TRABD2B: variants seen among roughly 807,000 people sequenced by gnomAD.
TRABD2B encodes the protein TraB domain containing 2B, also known as metalloprotease TIKI2.
A neutral mutation model predicts 40.1 loss-of-function variants in TRABD2B; 14 were observed. The observed-to-expected ratio is 0.35, with a 90% CI of 0.23 to 0.55. TRABD2B has a LOEUF of 0.55. Among genes scored for constraint, TRABD2B ranks in the 20% least tolerant of loss-of-function variants. The pLI is 0.90. For synonymous variants in TRABD2B, 263 were observed against 277.0 expected (o/e 0.95, Z 0.50); for missense variants, 541 against 648.6 (o/e 0.83, Z 1.80).
chr1:47,779,940 C>T (rs1207349339), intron 4 of TRABD2B, among the ~76,000 whole-genome samples: 1 of 152,174 alleles, frequency 6.6e-6, no homozygotes, highest in Non-Finnish European at 1.5e-5. Flanking sequence ...GCAGAGGAAG[C>T]CAGCATAGAA....
At chr1:47,855,940 A>G (rs996941628) in intron 2 of TRABD2B, among the ~76,000 whole-genome samples, 1 of 152,206 alleles carries the variant, frequency 6.6e-6, no homozygotes, top group Non-Finnish European at 1.5e-5. Flanking sequence ...AGTTGGTGAT[A>G]TTATGTTATA....
chr1:47,823,142 G>C (rs769456064), intron 2 of TRABD2B, among the ~76,000 whole-genome samples: 1 of 152,240 alleles, frequency 6.6e-6, no homozygotes, highest in Non-Finnish European at 1.5e-5. Flanking sequence ...CCCCTGGGAC[G>C]CCACAGGTTC....
In TRABD2B at chr1:47,761,293, A is replaced by C. The variant is rs1397006583; in HGVS notation, c.*4609T>G. 15 of 152,296 alleles carry C rather than the reference A, an allele frequency of 9.8e-5. No homozygotes were observed. 9.4% of individuals were successfully genotyped at this position (152,296 alleles called of 1,614,324 possible). ...TAGCCGATGCTCCCTGGAAAGAGCC[A>C]AGTAGGGGGTCAATCAGTTCTCGTG... is the stretch of plus-strand genomic sequence containing the variant. On this transcript the variant is annotated 3_prime_UTR_variant, in exon 7 of 7. Coordinates refer to ENST00000606738, the MANE Select transcript of TRABD2B (RefSeq NM_001194986.2).
intron 2 of TRABD2B, among the ~76,000 whole-genome samples, chr1:47,872,793 G>C (rs368377639): frequency 3.9e-5 from 6 of 152,144 alleles, no homozygotes; most frequent in Admixed American, 2.0e-4. Flanking sequence ...TCCAGGGAGT[G>C]GGGGGAAGGC....
chr1:47,938,343 C>G (rs1019182748), intron 2 of TRABD2B, among the ~76,000 whole-genome samples: 1 of 152,158 alleles, frequency 6.6e-6, no homozygotes, highest in Non-Finnish European at 1.5e-5. Context: ...TATTTTAGTC[C>G]CAGCTCTATC....
chr1:47,972,283 T>A (rs568239166), intron 2 of TRABD2B, among the ~76,000 whole-genome samples: 1 of 152,304 alleles, frequency 6.6e-6, no homozygotes, highest in South Asian at 2.1e-4. Flanking sequence ...TGAGAGTCCC[T>A]CCAGGCAGCA....
At chr1:47,912,738 G>A (rs72898140) in intron 2 of TRABD2B, among the ~76,000 whole-genome samples, 3,371 of 152,210 alleles carry the variant, frequency 0.022, 61 homozygotes, top group South Asian at 0.059. Flanking sequence ...GGGGTCCTCC[G>A]GGGCGGCCCT....
At chr1:47,988,430 A>G (rs1223516762) in intron 2 of TRABD2B, among the ~76,000 whole-genome samples, 1 of 152,158 alleles carries the variant, frequency 6.6e-6, no homozygotes, top group Non-Finnish European at 1.5e-5. Flanking sequence ...CACTGGCACA[A>G]CACAGTGAGG....
intron 2 of TRABD2B, among the ~76,000 whole-genome samples, chr1:47,989,056 G>A (rs1034758732): frequency 1.3e-5 from 2 of 152,156 alleles, no homozygotes; most frequent in African/African-American, 4.8e-5. Context: ...GAGGAAGCTT[G>A]TTCACCCTTT....
intron 2 of TRABD2B, among the ~76,000 whole-genome samples, chr1:47,837,563 C>A (rs1231448267): frequency 1.3e-5 from 2 of 152,126 alleles, no homozygotes; most frequent in Non-Finnish European, 2.9e-5. Context: ...GTGACTGTAT[C>A]TGAGTTCAGT....
At chr1:47,793,539 T>C (rs1266723668) in intron 4 of TRABD2B, among the ~76,000 whole-genome samples, 1 of 152,140 alleles carries the variant, frequency 6.6e-6, no homozygotes, top group Admixed American at 6.5e-5. Context: ...GAGGGCGGCA[T>C]GAGGGTGACA....
At chr1:47,983,923 A>T (rs1260624313) in intron 2 of TRABD2B, among the ~76,000 whole-genome samples, 1 of 152,130 alleles carries the variant, frequency 6.6e-6, no homozygotes, top group East Asian at 1.9e-4. Flanking sequence ...CTCTTTTCAG[A>T]CTCAAGGCCA....
chr1:47,769,643 C>T (rs1442075532), intron 6 of TRABD2B, among the ~76,000 whole-genome samples: 1 of 152,216 alleles, frequency 6.6e-6, no homozygotes, highest in Non-Finnish European at 1.5e-5. Flanking sequence ...GAAACTGTCT[C>T]ATGGCAAAGT....
At chr1:47,907,464 T>C (rs957223926) in intron 2 of TRABD2B, among the ~76,000 whole-genome samples, 1 of 152,222 alleles carries the variant, frequency 6.6e-6, no homozygotes, top group Non-Finnish European at 1.5e-5. Flanking sequence ...GTACCTTTCA[T>C]GTTTCCTGTG....
chr1:47,884,126 G>A (rs367612268), intron 2 of TRABD2B, among the ~76,000 whole-genome samples: 1 of 152,210 alleles, frequency 6.6e-6, no homozygotes, highest in African/African-American at 2.4e-5. Context: ...GTCATTAGGT[G>A]CCCAGTCCAT....
chr1:47,781,464 C>T (rs1370219175), intron 4 of TRABD2B, among the ~76,000 whole-genome samples: 1 of 152,228 alleles, frequency 6.6e-6, no homozygotes, highest in Non-Finnish European at 1.5e-5. Context: ...GCAGGCCTCA[C>T]CGGATGCCCA....
In TRABD2B at chr1:47,991,914, AATGACCTC is replaced by A. The variant is rs557626955; in HGVS notation, c.666+2112_666+2119del. 5.5e-3 allele frequency among the ~76,000 whole-genome samples: 833 copies of A among 152,242 alleles called. 5 individuals carry two copies. Among genetic ancestry groups the A allele is most frequent in the Middle Eastern group, 0.014 (4 of 294 alleles). On this transcript the variant is annotated intron_variant, in intron 2 of 6. Transcript: ENST00000606738. The stretch of plus-strand genomic sequence containing the variant: ...TCTGATTTTGAATTTTTGGATCCCT[AATGACCTC>A]ATCTGCCTAGGCTCCAGAATCCCAC...
intron 2 of TRABD2B, among the ~76,000 whole-genome samples, chr1:47,934,791 G>A (rs1645084854): frequency 6.6e-6 from 1 of 152,164 alleles, no homozygotes; most frequent in African/African-American, 2.4e-5. Flanking sequence ...GATGTAACAG[G>A]AGGCATCTGG....
intron 2 of TRABD2B, among the ~76,000 whole-genome samples, chr1:47,824,087 T>C (rs1645144506): frequency 6.6e-6 from 1 of 152,194 alleles, no homozygotes; most frequent in Non-Finnish European, 1.5e-5. Context: ...TCATCCTTCC[T>C]GAGCCTGGAT....
Sources: allele counts gnomAD v4.1 joint callset (sites outside exome capture counted in the v4.1 genomes callset), GRCh38; gene constraint gnomAD v4.1.1; transcripts MANE v1.5; gene names NCBI Gene and HGNC (gene_info 2026-07-23, HGNC 2026-07-21).